Variants in PREX1 observed in about 807,000 individuals in gnomAD.
The protein encoded by PREX1 is phosphatidylinositol 3,4,5-trisphosphate-dependent Rac exchanger 1 protein.
Under a neutral mutation model 198.3 loss-of-function variants are expected in PREX1, and 41 were observed. The ratio of observed to expected loss-of-function variants is 0.21; its 90% confidence interval spans 0.16 to 0.27. The LOEUF is 0.27. Ranked by LOEUF, PREX1 falls within the 10% of genes least tolerant of loss-of-function variation. The probability of loss-of-function intolerance (pLI) is 1.00; values close to 1 mark genes in which losing one functional copy is unlikely to be tolerated. For missense variants in PREX1, 1,620 were observed against 2,200.7 expected (o/e 0.74, Z 5.28); for synonymous variants, 843 against 887.2 (o/e 0.95, Z 0.89).
chr20:48,825,377 C>T (rs2090504358), intron 1 of PREX1, among the ~76,000 whole-genome samples: 1 of 152,192 alleles, frequency 6.6e-6, no homozygotes, highest in Non-Finnish European at 1.5e-5. Context: ...TGGTCCAAGA[C>T]ACATGTCCAA....
chr20:48,657,294 G>T, intron 17 of PREX1, 106 bp from the exon 18 acceptor site: 3 of 1,356,342 alleles, frequency 2.2e-6, no homozygotes, highest in South Asian at 1.3e-5. Context: ...TGGCCCAAGG[G>T]ATCCAGCAGG....
intron 5 of PREX1, among the ~76,000 whole-genome samples, chr20:48,724,740 C>CA (rs2090002150): frequency 6.6e-6 from 1 of 152,250 alleles, no homozygotes; most frequent in Non-Finnish European, 1.5e-5. Flanking sequence ...CACTACAGTA[C>CA]ACTGTCTCTT....
intron 3 of PREX1, among the ~76,000 whole-genome samples, chr20:48,744,259 AG>A (rs761686885): frequency 3.3e-5 from 5 of 152,156 alleles, no homozygotes; most frequent in Non-Finnish European, 7.3e-5. Flanking sequence ...GAATCACCCC[AG>A]CTGAGAAGCT....
At chr20:48,799,738 C>A (rs1328767774) in intron 1 of PREX1, among the ~76,000 whole-genome samples, 4 of 152,122 alleles carry the variant, frequency 2.6e-5, no homozygotes, top group South Asian at 4.1e-4. Flanking sequence ...TCTGTCCCCC[C>A]ACAACAGGGC....
chr20:48,835,145 T>G, the PREX1 span, among the ~76,000 whole-genome samples: 6 of 152,332 alleles, frequency 3.9e-5, no homozygotes, highest in South Asian at 2.1e-4. Context: ...TGCCAAGCCA[T>G]GCCAAGCCAC....
intron 7 of PREX1, among the ~76,000 whole-genome samples, chr20:48,700,095 T>C (rs2089866211): frequency 6.6e-6 from 1 of 152,144 alleles, no homozygotes; most frequent in Non-Finnish European, 1.5e-5. Flanking sequence ...CAGCCAACCA[T>C]CTACTTACTC....
At chr20:48,657,003 G>A in intron 18 of PREX1, 37 bp downstream of exon 18, 1 of 1,553,352 alleles carries the variant, frequency 6.4e-7, no homozygotes, top group South Asian at 1.2e-5. Flanking sequence ...CAGCCTGAGA[G>A]GGAGGGCTGC....
At chr20:48,750,309 A>G (rs2090128560) in intron 1 of PREX1, among the ~76,000 whole-genome samples, 1 of 152,070 alleles carries the variant, frequency 6.6e-6, no homozygotes, top group African/African-American at 2.4e-5. Flanking sequence ...CCCTCCCAAA[A>G]GTCTGTTCTC....
intron 1 of PREX1, among the ~76,000 whole-genome samples, chr20:48,792,855 T>C (rs375862202): frequency 8.2e-3 from 567 of 68,834 alleles, no homozygotes; most frequent in African/African-American, 0.026. Context: ...CACACACACA[T>C]AGTATGATTC....
At position 48,717,252 on chromosome 20, in the gene PREX1, CAA is replaced by C. The variant is rs1167084571; in HGVS notation, c.622-8833_622-8832del. Among the ~76,000 whole-genome samples the C allele has an allele frequency of 1.3e-3, 205 of 152,130 alleles. 5 individuals are homozygous for C. In the East Asian group the frequency reaches 0.035, roughly 26 times the overall value. On this transcript the variant is annotated intron_variant, in intron 5 of 39. Coordinates refer to ENST00000371941, the MANE Select transcript of PREX1 (RefSeq NM_020820.4). ...GAAAAAGGCAGGAGGGTGGTGTCAC[CAA>C]CAGGGTCTGGGTCAAGCAGAACAAC...
At chr20:48,833,549 C>G in the PREX1 span, among the ~76,000 whole-genome samples, 1 of 150,626 alleles carries the variant, frequency 6.6e-6, no homozygotes, top group Non-Finnish European at 1.5e-5. Flanking sequence ...TCAAGTGATT[C>G]TCCTGCCTCA....
intron 22 of PREX1, 26 bp from the exon 23 acceptor site, chr20:48,651,081 G>C (rs777275020): frequency 5.7e-5 from 92 of 1,611,330 alleles, no homozygotes; most frequent in Non-Finnish European, 7.5e-5. Context: ...CAGCTACTGA[G>C]CATTCCCTGT....
Position 48,625,652 on chromosome 20 carries a change from G to A in PREX1, c.*233C>T. On this transcript the variant is annotated 3_prime_UTR_variant, in exon 40 of 40. Coordinates refer to ENST00000371941, the MANE Select transcript of PREX1 (RefSeq NM_020820.4). ...TCTATGGGTCTCCAGCACCCCTCCAGCTTCTGGCAGGCGTGTGAAGAATGG... is the reference window on the plus strand; with the variant it reads ...TCTATGGGTCTCCAGCACCCCTCCAACTTCTGGCAGGCGTGTGAAGAATGG... The A allele has an allele frequency of 1.9e-6, 1 of 527,886 alleles. No homozygotes were observed. The highest frequency in any genetic ancestry group is 3.3e-6 in the Non-Finnish European group (1 of 305,198). The allele number at this position is 527,886 out of a possible 1,614,324, so 32.7% of individuals were successfully genotyped here.
At chr20:48,676,321 T>A in intron 13 of PREX1, 53 bp from the exon 14 acceptor site, 1 of 1,557,754 alleles carries the variant, frequency 6.4e-7, no homozygotes, top group East Asian at 2.3e-5. Flanking sequence ...AGGACAGAGG[T>A]GGGGGTGGTC....
At chr20:48,849,673 C>T in the PREX1 span, among the ~76,000 whole-genome samples, 1 of 152,170 alleles carries the variant, frequency 6.6e-6, no homozygotes, top group Non-Finnish European at 1.5e-5. Context: ...TGTAAACTGC[C>T]GCATAGCATA....
chr20:48,872,044 A>G, the PREX1 span, among the ~76,000 whole-genome samples: 1 of 151,832 alleles, frequency 6.6e-6, no homozygotes, highest in African/African-American at 2.4e-5. Context: ...CTGTAGTCCC[A>G]GCTACTCGGG....
At position 48,625,687 on chromosome 20, in the gene PREX1, G is replaced by A. The variant is rs2089265822; in HGVS notation, c.*198C>T. ...GGCGTGTGAAGAATGGGCCGGCCCAGGGCCAATCAGCCAGCTCGTCATCAC... is the reference window on the plus strand; with the variant it reads ...GGCGTGTGAAGAATGGGCCGGCCCAAGGCCAATCAGCCAGCTCGTCATCAC... On this transcript the variant is annotated 3_prime_UTR_variant, in exon 40 of 40. Transcript: ENST00000371941. The A allele has an allele frequency of 1.6e-6, 1 of 640,774 alleles. No individual in the cohort carries two copies. Among genetic ancestry groups the A allele is most frequent in the Non-Finnish European group, 2.6e-6 (1 of 390,086 alleles). The allele number at this position is 640,774 out of a possible 1,614,324, so 39.7% of individuals were successfully genotyped here.
chr20:48,762,708 T>C (rs2090187878), intron 1 of PREX1, among the ~76,000 whole-genome samples: 1 of 151,010 alleles, frequency 6.6e-6, no homozygotes, highest in Non-Finnish European at 1.5e-5. Flanking sequence ...TTTCTTTTTT[T>C]TTTTTTTTTT....
At chr20:48,855,086 C>T in the PREX1 span, among the ~76,000 whole-genome samples, 4 of 152,006 alleles carry the variant, frequency 2.6e-5, no homozygotes, top group Admixed American at 2.0e-4. Flanking sequence ...ATTATCATAC[C>T]GATTATTATC....
Sources: allele counts gnomAD v4.1 joint callset (sites outside exome capture counted in the v4.1 genomes callset), GRCh38; gene constraint gnomAD v4.1.1; transcripts MANE v1.5; gene names NCBI Gene and HGNC (gene_info 2026-07-23, HGNC 2026-07-21).